The following NRXN3 variants were observed in gnomAD, a reference collection of about 807,000 sequenced individuals.
NRXN3 encodes the protein neurexin 3.
In NRXN3, 32 loss-of-function variants were observed where a neutral mutation model predicts 137.6. The ratio of observed to expected loss-of-function variants is 0.23; its 90% CI spans 0.18 to 0.31. The LOEUF is 0.31. Among genes scored for constraint, NRXN3 ranks in the 10% least tolerant of loss-of-function variants. The pLI, the probability that NRXN3 is intolerant of heterozygous loss-of-function variation, is 1.00. For synonymous variants in NRXN3, 798 were observed against 784.5 expected, an observed-to-expected ratio of 1.02 and a Z score of -0.29; for missense variants, 1,574 against 2,062.5, an observed-to-expected ratio of 0.76 and a Z score of 4.59.
At chr14:79,649,526 A>G (rs1314349578) in intron 16 of NRXN3, among the ~76,000 whole-genome samples, 2 of 152,094 alleles carry the variant, frequency 1.3e-5, no homozygotes, top group Non-Finnish European at 2.9e-5. Context: ...GGTAAGAGAG[A>G]AGATATTCTC....
chr14:78,846,421 A>C (rs912765998), intron 10 of NRXN3, among the ~76,000 whole-genome samples: 109 of 152,212 alleles, frequency 7.2e-4, no homozygotes, highest in Non-Finnish European at 6.6e-4. Flanking sequence ...AATTATGACA[A>C]TTACAATCAG....
intron 19 of NRXN3, among the ~76,000 whole-genome samples, chr14:79,704,432 A>T (rs2098768136): frequency 6.6e-6 from 1 of 152,158 alleles, no homozygotes; most frequent in African/African-American, 2.4e-5. Flanking sequence ...CCAAAGAATT[A>T]TCCCCTCTGG....
chr14:79,175,993 T>C (rs1367104364), intron 15 of NRXN3, among the ~76,000 whole-genome samples: 1 of 152,202 alleles, frequency 6.6e-6, no homozygotes, highest in Admixed American at 6.5e-5. Flanking sequence ...TGTTGCTTCC[T>C]TTAGGAAGTT....
intron 20 of NRXN3, among the ~76,000 whole-genome samples, chr14:79,829,780 C>T (rs995084874): frequency 6.6e-6 from 1 of 152,062 alleles, no homozygotes; most frequent in African/African-American, 2.4e-5. Context: ...ATCATCTATA[C>T]ATCCAGTCTA....
intron 4 of NRXN3, among the ~76,000 whole-genome samples, chr14:78,597,213 G>A (rs967415390): frequency 3.3e-5 from 5 of 152,214 alleles, no homozygotes; most frequent in African/African-American, 1.2e-4. Context: ...TAAGGAGGGT[G>A]AGGAAAAGGT....
At chr14:78,185,184 A>T (rs909444403) in intron 1 of NRXN3, among the ~76,000 whole-genome samples, 1 of 152,154 alleles carries the variant, frequency 6.6e-6, no homozygotes, top group African/African-American at 2.4e-5. Flanking sequence ...TTAGTGGAGG[A>T]TGATATGAAT....
chr14:78,944,325 C>G (rs2099361108), intron 10 of NRXN3, among the ~76,000 whole-genome samples: 1 of 152,152 alleles, frequency 6.6e-6, no homozygotes, highest in Non-Finnish European at 1.5e-5. Flanking sequence ...ATTCCTTCCC[C>G]TAGGTGCAGG....
intron 16 of NRXN3, among the ~76,000 whole-genome samples, chr14:79,560,403 C>G (rs1316423476): frequency 6.6e-6 from 1 of 151,590 alleles, no homozygotes; most frequent in Non-Finnish European, 1.5e-5. Context: ...AGAGAGGACC[C>G]CTAGGTAAGA....
At chr14:79,358,536 T>C (rs559707855) in intron 15 of NRXN3, among the ~76,000 whole-genome samples, 4 of 134,328 alleles carry the variant, frequency 3.0e-5, no homozygotes, top group Non-Finnish European at 6.1e-5. Flanking sequence ...ATCGCACTAC[T>C]GCACTCCAGC....
chr14:78,425,851 A>G (rs916769685), intron 4 of NRXN3, among the ~76,000 whole-genome samples: 4 of 152,212 alleles, frequency 2.6e-5, no homozygotes, highest in African/African-American at 9.6e-5. Flanking sequence ...GAGGAACTGC[A>G]GCACCTAATT....
chr14:78,527,622 AT>A (rs1356310523), intron 4 of NRXN3, among the ~76,000 whole-genome samples: 1 of 152,176 alleles, frequency 6.6e-6, no homozygotes, highest in East Asian at 1.9e-4. Flanking sequence ...CTAAGCTCCA[AT>A]TTTTTATGAT....
At chr14:79,776,996 CCT>C (rs2099099166) in intron 19 of NRXN3, among the ~76,000 whole-genome samples, 1 of 152,214 alleles carries the variant, frequency 6.6e-6, no homozygotes, top group African/African-American at 2.4e-5. Context: ...GCTCCTTCTC[CCT>C]CTCTTTCCCT....
intron 4 of NRXN3, among the ~76,000 whole-genome samples, chr14:78,457,579 A>G (rs1366728032): frequency 1.3e-5 from 2 of 152,186 alleles, no homozygotes; most frequent in African/African-American, 4.8e-5. Flanking sequence ...TAGTTCTTCA[A>G]TGGAAAGAAC....
At position 79,227,781 on chromosome 14, in the gene NRXN3, CCTTCCCTCCTCCCT is replaced by C. The variant is rs1298529081; in HGVS notation, c.3263-239439_3263-239426del. Reference sequence around the variant, plus strand: ...TCCTTCCTTCCTTCCTTCCTTCCTTCCTTCCCTCCTCCCTTCCTCCCTTCCTCCCTCCCTTCCTC... The same window carrying C: ...TCCTTCCTTCCTTCCTTCCTTCCTTCTCCTCCCTTCCTCCCTCCCTTCCTC... On this transcript the variant is annotated intron_variant, in intron 15 of 20. Transcript: ENST00000335750. 5.3e-3 allele frequency among the ~76,000 whole-genome samples: 588 copies of C among 110,558 alleles called. 1 individual carries two copies. The highest frequency in any genetic ancestry group is 9.3e-3 in the South Asian group (27 of 2,896). 72.5% of individuals were successfully genotyped at this position (110,558 alleles called of 152,430 possible).
intron 15 of NRXN3, among the ~76,000 whole-genome samples, chr14:79,330,569 T>A (rs1380754673): frequency 6.6e-6 from 1 of 152,142 alleles, no homozygotes; most frequent in Non-Finnish European, 1.5e-5. Flanking sequence ...ACATGATGCT[T>A]ACAAGGCATT....
chr14:78,955,418 T>G (rs999141053), intron 10 of NRXN3, among the ~76,000 whole-genome samples: 1 of 152,196 alleles, frequency 6.6e-6, no homozygotes, highest in African/African-American at 2.4e-5. Context: ...GAAATTCTGT[T>G]GTAATACATA....
chr14:79,499,956 C>CGT (rs35371414), intron 16 of NRXN3, among the ~76,000 whole-genome samples: 17,072 of 144,972 alleles, frequency 0.12, 1,671 homozygotes, highest in African/African-American at 0.28. Context: ...ATCTTAGGGT[C>CGT]GTGTGTGTGT....
chr14:79,649,872 A>C (rs2098467927), intron 16 of NRXN3, among the ~76,000 whole-genome samples: 1 of 152,164 alleles, frequency 6.6e-6, no homozygotes, highest in African/African-American at 2.4e-5. Context: ...GGGTGACTTA[A>C]AAACAACAAA....
chr14:79,654,626 T>G (rs967876614), intron 16 of NRXN3, among the ~76,000 whole-genome samples: 4 of 152,180 alleles, frequency 2.6e-5, no homozygotes, highest in Admixed American at 1.3e-4. Flanking sequence ...CCTCCAACTT[T>G]TGCATATTCA....
Sources: gnomAD v4.1 joint callset for allele counts (sites outside exome capture counted in the v4.1 genomes callset) on GRCh38, gnomAD v4.1.1 for gene constraint, MANE v1.5 for transcripts, NCBI Gene and HGNC (gene_info 2026-07-23, HGNC 2026-07-21) for gene names.